The following KATNA1 variants were observed in gnomAD, a reference collection of about 807,000 sequenced individuals.
KATNA1 encodes katanin p60 ATPase-containing subunit A1.
A neutral mutation model predicts 62.6 loss-of-function variants in KATNA1; 42 were observed. That is an observed-to-expected ratio of 0.67 (90% CI 0.52 to 0.87). The LOEUF (loss-of-function observed/expected upper bound fraction) is 0.87. KATNA1 is among the 40% of genes least tolerant of loss of function. The probability of loss-of-function intolerance (pLI) is 0.00; values close to 1 mark genes in which losing one functional copy is unlikely to be tolerated. For synonymous variants in KATNA1, 186 were observed against 201.9 expected (o/e 0.92, Z 0.67); for missense variants, 498 against 612.5 (o/e 0.81, Z 1.97).
In KATNA1 at chr6:149,608,535, C is replaced by T. The variant is rs561295444; in HGVS notation, c.502-3753G>A. 5.9e-5 allele frequency among the ~76,000 whole-genome samples: 9 copies of T among 152,284 alleles called. No homozygotes were observed. The South Asian group carries it at 1.9e-3, about 32-fold the overall frequency. On this transcript the variant is annotated intron_variant, in intron 4 of 10. Coordinates refer to ENST00000367411, the MANE Select transcript of KATNA1 (RefSeq NM_007044.4). Reference sequence around the variant, plus strand: ...CCAAAGACTTGTGGCCCCGGCCCCACCCAGGGCAGCAAAGGCAGGGTGGAA... The same window carrying T: ...CCAAAGACTTGTGGCCCCGGCCCCATCCAGGGCAGCAAAGGCAGGGTGGAA...
At chr6:149,648,847 A>G (rs891654353), upstream of KATNA1, 1 of 152,296 alleles carries the variant, frequency 6.6e-6, no homozygotes, top group African/African-American at 2.4e-5. Flanking sequence ...GAGACCAGGG[A>G]TAGTATAGAC....
At chr6:149,609,422 C>A in intron 4 of KATNA1, among the ~76,000 whole-genome samples, 1 of 150,754 alleles carries the variant, frequency 6.6e-6, no homozygotes, top group East Asian at 2.0e-4. Flanking sequence ...GTGTGGTGGC[C>A]CACGCCTATA....
At chr6:149,644,107 G>A (rs945628256) in intron 1 of KATNA1, among the ~76,000 whole-genome samples, 5 of 152,024 alleles carry the variant, frequency 3.3e-5, no homozygotes, top group African/African-American at 1.2e-4. Context: ...TGATTCTTGT[G>A]TGATTACTTC....
rs1001459307 is a variant in KATNA1 at position 149,611,796 on chromosome 6, G to A, written c.502-7014C>T. ...GGGTGGATCACGAGGTCAGGAGATC[G>A]AGACCATCCTGGCTAACATGGTGAA... On this transcript the variant is annotated intron_variant, in intron 4 of 10. Transcript: ENST00000367411. Among the ~76,000 whole-genome samples, 3 of 151,976 alleles carry A rather than the reference G, an allele frequency of 2.0e-5. No homozygotes were observed. The East Asian group carries it at 5.9e-4, about 30-fold the overall frequency.
intron 7 of KATNA1, among the ~76,000 whole-genome samples, chr6:149,599,886 A>G (rs1464665407): frequency 6.6e-6 from 1 of 152,128 alleles, no homozygotes; most frequent in Admixed American, 6.6e-5. Flanking sequence ...TTTTATTCAG[A>G]CCTGGCCAAT....
intron 1 of KATNA1, among the ~76,000 whole-genome samples, chr6:149,639,868 G>T (rs1780214074): frequency 6.6e-6 from 1 of 152,162 alleles, no homozygotes; most frequent in Admixed American, 6.5e-5. Context: ...AGTAGGATTT[G>T]CATCTGAAAG....
In KATNA1 at chr6:149,648,454, A is replaced by T. The variant is rs1259371280; in HGVS notation, c.-14+15T>A. The T allele has an allele frequency of 6.6e-6, 1 of 152,380 alleles. No homozygotes were observed. The highest frequency in any genetic ancestry group is 1.9e-4 in the East Asian group (1 of 5,178). The allele number at this position is 152,380 out of a possible 1,614,324, so 9.4% of individuals were successfully genotyped here. A position where few individuals can be genotyped will look rare whatever the true frequency, so the allele number is the denominator to read the frequency against. ...AATCGGGGGTCCCCAGAGCACCGCC[A>T]GAGTGAAAACTCACCTGCGGCGGCC... On this transcript the variant is annotated intron_variant, in intron 1 of 10. Transcript: ENST00000367411.
chr6:149,627,557 G>A (rs973390487), intron 3 of KATNA1, among the ~76,000 whole-genome samples: 2 of 150,824 alleles, frequency 1.3e-5, no homozygotes, highest in Non-Finnish European at 2.9e-5. Flanking sequence ...AAATTGTTGG[G>A]TAATTATTCC....
intron 3 of KATNA1, among the ~76,000 whole-genome samples, chr6:149,628,694 C>A (rs568041396): frequency 6.6e-6 from 1 of 151,920 alleles, no homozygotes; most frequent in South Asian, 2.1e-4. Flanking sequence ...GTGGCACACA[C>A]CTGTAGTCCC....
At chr6:149,641,674 C>A (rs1305760101) in intron 1 of KATNA1, among the ~76,000 whole-genome samples, 3 of 152,150 alleles carry the variant, frequency 2.0e-5, no homozygotes, top group Non-Finnish European at 2.9e-5. Context: ...TGCATCAAGA[C>A]ACACACCACA....
intron 2 of KATNA1, among the ~76,000 whole-genome samples, chr6:149,634,935 A>G (rs1202032328): frequency 7.4e-6 from 1 of 135,612 alleles, no homozygotes; most frequent in Non-Finnish European, 1.6e-5. Flanking sequence ...TTTTTTTAAA[A>G]GCAGTCTTTT....
intron 4 of KATNA1, among the ~76,000 whole-genome samples, chr6:149,609,199 G>A (rs1289749581): frequency 6.6e-6 from 1 of 152,004 alleles, no homozygotes; most frequent in Non-Finnish European, 1.5e-5. Context: ...ACACCCCAAA[G>A]ACTCCATGCC....
chr6:149,595,664 A>G (rs1040781029), intron 10 of KATNA1, among the ~76,000 whole-genome samples: 14 of 152,094 alleles, frequency 9.2e-5, no homozygotes, highest in Admixed American at 7.2e-4. Flanking sequence ...TTTGTGTTAA[A>G]AAAAAAAAAC....
chr6:149,645,439 T>A (rs1412033798), intron 1 of KATNA1, among the ~76,000 whole-genome samples: 2 of 136,080 alleles, frequency 1.5e-5, no homozygotes, highest in Non-Finnish European at 1.5e-5. Context: ...CAAGACTCCA[T>A]CTCAAAAAAC....
intron 4 of KATNA1, among the ~76,000 whole-genome samples, chr6:149,620,110 TTC>T (rs1364091610): frequency 6.6e-6 from 1 of 152,138 alleles, no homozygotes. Context: ...ATAACACATG[TTC>T]TCACTCATGA....
chr6:149,643,851 T>A lies in KATNA1; in HGVS notation c.-14+4618A>T, dbSNP rs556297570. Among the ~76,000 whole-genome samples, 1,250 of 151,694 alleles carry A rather than the reference T, an allele frequency of 8.2e-3. 16 individuals are homozygous for A. Among genetic ancestry groups the A allele is most frequent in the African/African-American group, 0.029 (1,184 of 41,392 alleles). Reference sequence around the variant, plus strand: ...ACCCAGCTAATATATATATATATTTTTTTTTTGGTATGTTTTGTAGAGATG... The same window carrying A: ...ACCCAGCTAATATATATATATATTTATTTTTTGGTATGTTTTGTAGAGATG... On this transcript the variant is annotated intron_variant, in intron 1 of 10. Coordinates refer to ENST00000367411, the MANE Select transcript of KATNA1 (RefSeq NM_007044.4).
intron 7 of KATNA1, among the ~76,000 whole-genome samples, chr6:149,600,662 T>A (rs1245288338): frequency 6.6e-6 from 1 of 150,838 alleles, no homozygotes; most frequent in Admixed American, 6.6e-5. Context: ...TTGACCAGGA[T>A]TGGTGACCCA....
In KATNA1 at chr6:149,632,910, G is replaced by A; in HGVS notation, c.169C>T (p.Gln57Ter). Reference sequence around the variant, plus strand: ...TGTTTAGCTTCCACATTTATTTCCTGCCAAACCTGATTTCAAAGAAGAAGA... The same window carrying A: ...TGTTTAGCTTCCACATTTATTTCCTACCAAACCTGATTTCAAAGAAGAAGA... The part of the protein sequence containing the change: ...YLQQKWQQVW[Q>*]EINVEAKHVK... The change falls in exon 3 of 11, where the codon CAG (glutamine) becomes TAG (stop). Residue 57 changes from glutamine (Q) to a stop codon, truncating the protein, a stop_gained. Coordinates refer to ENST00000367411, the MANE Select transcript of KATNA1 (RefSeq NM_007044.4). LOFTEE classifies it high-confidence loss of function. The A allele has an allele frequency of 6.3e-7, 1 of 1,598,990 alleles. No homozygotes were observed. The highest frequency in any genetic ancestry group is 1.1e-5 in the South Asian group (1 of 88,090).
rs540934837 is a variant in KATNA1 at position 149,634,187 on chromosome 6, C to T, written c.163-1271G>A. Among the ~76,000 whole-genome samples, 21 of 151,512 alleles carry T rather than the reference C, an allele frequency of 1.4e-4. 1 individual carries two copies. The highest frequency in any genetic ancestry group is 4.4e-4 in the African/African-American group (18 of 41,216). On this transcript the variant is annotated intron_variant, in intron 2 of 10. Transcript: ENST00000367411. ...ACTTGGGAGGCCGAGCCACAACAAT[C>T]GCTTGAACCCAGGAGGCGGAAGTTG...
Sources: allele counts gnomAD v4.1 joint callset (sites outside exome capture counted in the v4.1 genomes callset), GRCh38; gene constraint gnomAD v4.1.1; transcripts MANE v1.5; gene names NCBI Gene and HGNC (gene_info 2026-07-23, HGNC 2026-07-21).